The following TAPBP variants were observed in gnomAD, a reference collection of about 807,000 sequenced individuals.
TAPBP encodes the protein TAP binding protein, also known as tapasin.
A neutral mutation model predicts 45.7 loss-of-function variants in TAPBP; 38 were observed. That is an observed-to-expected ratio of 0.83 (90% CI 0.64 to 1.09). The LOEUF (loss-of-function observed/expected upper bound fraction) is 1.09. TAPBP is among the 50% of genes least tolerant of loss of function. The pLI is 0.00. For missense variants in TAPBP, 513 were observed against 587.3 expected, an observed-to-expected ratio of 0.87 and a Z score of 1.31; for synonymous variants, 226 against 254.8, an observed-to-expected ratio of 0.89 and a Z score of 1.08.
intron 7 of TAPBP, chr6:33,303,689 T>C (rs532618293): frequency 3.5e-4 from 517 of 1,491,872 alleles, no homozygotes; most frequent in Non-Finnish European, 4.3e-4. Context: ...TATTTAAATT[T>C]ACATATGTGG....
At chr6:33,311,310 G>C (rs1430865090) in intron 3 of TAPBP, among the ~76,000 whole-genome samples, 1 of 151,280 alleles carries the variant, frequency 6.6e-6, no homozygotes, top group East Asian at 1.9e-4. Context: ...CAATAAGAGG[G>C]AGACTCCGTC....
chr6:33,303,588 G>T, intron 7 of TAPBP: 1 of 789,768 alleles, frequency 1.3e-6, no homozygotes, highest in Non-Finnish European at 1.9e-6. Flanking sequence ...AAGCATTTCA[G>T]ATAAGGGACC....
chr6:33,303,829 C>G lies in TAPBP; in HGVS notation c.1335+126G>C, dbSNP rs145837211. ...TTAGGATATAGTGCCAGGTTTTAACCCAGATCAGTGTGAATTCCAAGCCTA... is the reference window on the plus strand; with the variant it reads ...TTAGGATATAGTGCCAGGTTTTAACGCAGATCAGTGTGAATTCCAAGCCTA... On this transcript the variant is annotated intron_variant, in intron 7 of 7. Coordinates refer to ENST00000434618, the MANE Select transcript of TAPBP (RefSeq NM_003190.5). 1.6e-3 allele frequency: 2,632 copies of G among 1,595,790 alleles called. 11 individuals are homozygous for G. The highest frequency in any genetic ancestry group is 0.013 in the Middle Eastern group (79 of 6,048).
intron 3 of TAPBP, among the ~76,000 whole-genome samples, chr6:33,307,059 G>A (rs1242850672): frequency 2.6e-5 from 4 of 151,758 alleles, no homozygotes; most frequent in Admixed American, 6.6e-5. Context: ...AGCCTGAGGC[G>A]GGTGGATTAC....
rs1768919950 is a variant in TAPBP at position 33,305,511 on chromosome 6, C to T, written c.470-124G>A. ...CAGTTTACCCACCCCTCAGAGGACA[C>T]CTTTTCTGATACTCACCATTTCCTA... On this transcript the variant is annotated intron_variant, in intron 3 of 7. Transcript: ENST00000434618. The surrounding 1 kb of genome is among the most constrained non-coding windows in gnomAD (Gnocchi z 4.4). 1 of 1,084,928 alleles carries T rather than the reference C, an allele frequency of 9.2e-7. No individual in the cohort carries two copies. The highest frequency in any genetic ancestry group is 1.3e-6 in the Non-Finnish European group (1 of 782,056). 67.2% of individuals were successfully genotyped at this position (1,084,928 alleles called of 1,614,324 possible). A position where few individuals can be genotyped will look rare whatever the true frequency, so the allele number is the denominator to read the frequency against.
intron 3 of TAPBP, among the ~76,000 whole-genome samples, chr6:33,309,106 A>G (rs1393561631): frequency 1.3e-5 from 2 of 149,100 alleles, no homozygotes; most frequent in African/African-American, 4.9e-5. Flanking sequence ...AAAAAAAAAG[A>G]TCCACAGGCT....
At chr6:33,307,114 C>T (rs1039152124) in intron 3 of TAPBP, among the ~76,000 whole-genome samples, 1 of 152,082 alleles carries the variant, frequency 6.6e-6, no homozygotes, top group Non-Finnish European at 1.5e-5. Flanking sequence ...ATGGCAAAAC[C>T]CTGTCTCTAC....
Position 33,313,961 on chromosome 6 carries a change from G to T in TAPBP, c.37+44C>A, listed in dbSNP as rs1177664648. On this transcript the variant is annotated intron_variant, in intron 1 of 7. Coordinates refer to ENST00000434618, the MANE Select transcript of TAPBP (RefSeq NM_003190.5). The surrounding 1 kb of genome is among the most constrained non-coding windows in gnomAD (Gnocchi z 7.2). ...GGCTCCAGTGGGGCCACCTCCCTCC[G>T]CTTCCCTCTAGTTCTTGGGCGATGA... 2 of 1,613,610 alleles carry T rather than the reference G, an allele frequency of 1.2e-6. No individual in the cohort carries two copies. Among genetic ancestry groups the T allele is most frequent in the Admixed American group, 3.3e-5 (2 of 60,024 alleles).
In TAPBP at chr6:33,305,034, G is replaced by C; in HGVS notation, c.823C>G (p.Leu275Val). The change falls in exon 4 of 8, where the codon CTG (leucine) becomes GTG (valine). Residue 275 changes from leucine to valine, a missense_variant. Coordinates refer to ENST00000434618, the MANE Select transcript of TAPBP (RefSeq NM_003190.5). This position sits in a 1 kb window ranked among gnomAD's most constrained non-coding sequence, Gnocchi z 4.4. ...GTGACCTGTCCTTGCAGGTATGGCAGGTGTATGGTGGCCAGATAGGTGCCC... is the reference window on the plus strand; with the variant it reads ...GTGACCTGTCCTTGCAGGTATGGCACGTGTATGGTGGCCAGATAGGTGCCC... ...QEGTYLATIH[L>V]PYLQGQVTLE... 2.5e-6 allele frequency: 4 copies of C among 1,614,192 alleles called. No homozygotes were observed. Among genetic ancestry groups the C allele is most frequent in the Non-Finnish European group, 3.4e-6 (4 of 1,180,032 alleles).
Position 33,313,079 on chromosome 6 carries a change from A to C in TAPBP, c.469+138T>G. The C allele has an allele frequency of 3.0e-6, 3 of 1,008,038 alleles. No individual in the cohort carries two copies. Among genetic ancestry groups the C allele is most frequent in the Middle Eastern group, 4.4e-4 (2 of 4,548 alleles). The allele number at this position is 1,008,038 out of a possible 1,614,324, so 62.4% of individuals were successfully genotyped here. A position where few individuals can be genotyped will look rare whatever the true frequency, so the allele number is the denominator to read the frequency against. On this transcript the variant is annotated intron_variant, in intron 3 of 7. Transcript: ENST00000434618. The surrounding 1 kb of genome is among the most constrained non-coding windows in gnomAD (Gnocchi z 7.2). ...CGGTAGAGATTGATTCATTCTAGCC[A>C]AACCACCTCTCTTAACAAAAAAAGG...
chr6:33,311,421 G>A (rs1399581448), intron 3 of TAPBP, among the ~76,000 whole-genome samples: 1 of 152,142 alleles, frequency 6.6e-6, no homozygotes, highest in Admixed American at 6.5e-5. Context: ...CTGAAGTTGG[G>A]AGTTCGAGAC....
rs764651274 is a variant in TAPBP, at chr6:33,305,422, G to A, written c.470-35C>T. ...ACAGGGAGATGAGGGGTTGGGAGGG[G>A]CATGAGGGAGAGAAAGAAGGAGAAA... On this transcript the variant is annotated intron_variant, in intron 3 of 7. Transcript: ENST00000434618. This position sits in a 1 kb window ranked among gnomAD's most constrained non-coding sequence, Gnocchi z 4.4. 4 of 1,494,564 alleles carry A rather than the reference G, an allele frequency of 2.7e-6. No individual in the cohort carries two copies. In the African/African-American group the frequency reaches 4.2e-5, roughly 16 times the overall value. 92.6% of individuals were successfully genotyped at this position (1,494,564 alleles called of 1,614,324 possible).
chr6:33,304,188 C>T lies in TAPBP; in HGVS notation c.1240G>A (p.Val414Ile), dbSNP rs749133011. ...GLSGPSLEDS[V>I]GLFLSAFLLL... ...AGAAAGGCAGACAGGAAAAGGCCTA[C>T]GCTGTCCTCAAGGGAGGGCCCTGAA... The change falls in exon 6 of 8, where the codon GTA (valine) becomes ATA (isoleucine). Residue 414 changes from valine to isoleucine, a missense_variant. Transcript: ENST00000434618. The T allele has an allele frequency of 1.5e-5, 25 of 1,613,630 alleles. No individual in the cohort carries two copies. The highest frequency in any genetic ancestry group is 2.2e-5 in the South Asian group (2 of 91,038).
chr6:33,311,962 T>G (rs1769379771), intron 3 of TAPBP, among the ~76,000 whole-genome samples: 1 of 152,252 alleles, frequency 6.6e-6, no homozygotes, highest in Admixed American at 6.5e-5. Flanking sequence ...GACTGAGAAC[T>G]GCTGAGTCCT....
At chr6:33,308,189 T>C (rs1769103103) in intron 3 of TAPBP, 1 of 132,784 alleles carries the variant, frequency 7.5e-6, no homozygotes, top group Admixed American at 7.4e-5. Context: ...AAAAAAAAAA[T>C]TAGCGGGGCG....
chr6:33,303,979 C>T lies in TAPBP; in HGVS notation c.1311G>A (p.Leu437=), dbSNP rs755140017. 3 of 1,613,748 alleles carry T rather than the reference C, an allele frequency of 1.9e-6. No homozygotes were observed. In the South Asian group the frequency reaches 3.3e-5, roughly 18 times the overall value. The change falls in exon 7 of 8, where the codon CTG becomes CTA. Residue 437 remains leucine (L), a synonymous_variant. Transcript: ENST00000434618. Reference sequence around the variant, plus strand: ...CCTTCTTTGAATCCTTGCAGGTGGACAGGTAGACAGCTGTGGGGAAAGATT... The same window carrying T: ...CCTTCTTTGAATCCTTGCAGGTGGATAGGTAGACAGCTGTGGGGAAAGATT... The part of the protein sequence containing the change: ...FKALGWAAVY[L]STCKDSKKKA...
At position 33,313,076 on chromosome 6, in the gene TAPBP, G is replaced by T; in HGVS notation, c.469+141C>A. 1 of 973,310 alleles carries T rather than the reference G, an allele frequency of 1.0e-6. No individual in the cohort carries two copies. Among genetic ancestry groups the T allele is most frequent in the South Asian group, 1.7e-5 (1 of 58,588 alleles). 60.3% of individuals were successfully genotyped at this position (973,310 alleles called of 1,614,324 possible). On this transcript the variant is annotated intron_variant, in intron 3 of 7. Transcript: ENST00000434618. The surrounding 1 kb of genome is among the most constrained non-coding windows in gnomAD (Gnocchi z 7.2). ...GAGCGGTAGAGATTGATTCATTCTA[G>T]CCAAACCACCTCTCTTAACAAAAAA...
chr6:33,311,709 G>A (rs1372720263), intron 3 of TAPBP, among the ~76,000 whole-genome samples: 1 of 152,236 alleles, frequency 6.6e-6, no homozygotes, highest in Non-Finnish European at 1.5e-5. Context: ...GTGAAATACA[G>A]ACAATCTTAC....
chr6:33,310,576 G>A (rs931609134), intron 3 of TAPBP, among the ~76,000 whole-genome samples: 1 of 150,252 alleles, frequency 6.7e-6, no homozygotes, highest in African/African-American at 2.5e-5. Context: ...CAGCAGTTTC[G>A]GAGGCCAAGG....
Sources: gnomAD v4.1 joint callset for allele counts (sites outside exome capture counted in the v4.1 genomes callset) on GRCh38, gnomAD v4.1.1 for gene constraint, Gnocchi (gnomAD v3.1) non-coding constraint, MANE v1.5 for transcripts, NCBI Gene and HGNC (gene_info 2026-07-23, HGNC 2026-07-21) for gene names.